SMYD1: variants seen among roughly 807,000 people sequenced by gnomAD.
The protein encoded by SMYD1 is histone-lysine N-methyltransferase SMYD1.
SMYD1 carries 49 observed loss-of-function variants against 54.0 expected under a neutral mutation model. That is an observed-to-expected ratio of 0.91 (90% confidence interval 0.72 to 1.15). The LOEUF (loss-of-function observed/expected upper bound fraction) is 1.15. Among genes scored for constraint, SMYD1 ranks in the 50% most tolerant of loss-of-function variants. The probability of loss-of-function intolerance (pLI) is 0.00; values close to 1 mark genes in which losing one functional copy is unlikely to be tolerated. For missense variants in SMYD1, 653 were observed against 639.6 expected, an observed-to-expected ratio of 1.02 and a Z score of -0.23; for synonymous variants, 269 against 234.2, an observed-to-expected ratio of 1.15 and a Z score of -1.36.
chr2:88,078,314 T>C (rs1674115208), intron 1 of SMYD1, among the ~76,000 whole-genome samples: 1 of 152,242 alleles, frequency 6.6e-6, no homozygotes, highest in Non-Finnish European at 1.5e-5. Flanking sequence ...GAACTTCTTG[T>C]AATTTTCATC....
chr2:88,071,353 TG>T (rs1673942776), intron 1 of SMYD1, among the ~76,000 whole-genome samples: 1 of 152,250 alleles, frequency 6.6e-6, no homozygotes, highest in South Asian at 2.1e-4. Flanking sequence ...ATTGTGTCTT[TG>T]TTAGAATGGG....
At chr2:88,090,180 G>A (rs1386786177) in intron 3 of SMYD1, among the ~76,000 whole-genome samples, 3 of 152,156 alleles carry the variant, frequency 2.0e-5, no homozygotes, top group Non-Finnish European at 4.4e-5. Flanking sequence ...AGAATAAATG[G>A]AGAAAGTGAC....
At chr2:88,071,936 C>T (rs1431548963) in intron 1 of SMYD1, among the ~76,000 whole-genome samples, 3 of 150,944 alleles carry the variant, frequency 2.0e-5, no homozygotes, top group Non-Finnish European at 2.9e-5. Flanking sequence ...ACTGGGAATT[C>T]GCAATGCTGG....
chr2:88,097,966 A>G (rs759272501), intron 6 of SMYD1, among the ~76,000 whole-genome samples: 1 of 152,184 alleles, frequency 6.6e-6, no homozygotes, highest in Non-Finnish European at 1.5e-5. Flanking sequence ...TATGTTTTCT[A>G]TAGGAACAAC....
Position 88,112,145 on chromosome 2 carries a change from G to C in SMYD1, c.*1633G>C, listed in dbSNP as rs959697457. On this transcript the variant is annotated 3_prime_UTR_variant, in exon 10 of 10. Coordinates refer to ENST00000419482, the MANE Select transcript of SMYD1 (RefSeq NM_198274.4). ...TAGTCTTTCAAGCCCCCACATCACA[G>C]GCTTAGGGACGGCACTAACTTTCTC... 4.3e-6 allele frequency: 3 copies of C among 703,270 alleles called. No individual in the cohort carries two copies. In the African/African-American group the frequency reaches 5.2e-5, roughly 12 times the overall value. 43.6% of individuals were successfully genotyped at this position (703,270 alleles called of 1,614,324 possible).
Position 88,101,967 on chromosome 2 carries a change from AG to A in SMYD1, c.889-1090del, listed in dbSNP as rs1674731406. ...GATTGGTCAGTGCTTTTTCTGTATC[AG>A]TCATTAAGTATTTTAAATATTATTT... On this transcript the variant is annotated intron_variant, in intron 6 of 9. Coordinates refer to ENST00000419482, the MANE Select transcript of SMYD1 (RefSeq NM_198274.4). 2.6e-5 allele frequency among the ~76,000 whole-genome samples: 4 copies of A among 152,272 alleles called. No homozygotes were observed. In the South Asian group the frequency reaches 6.2e-4, roughly 24 times the overall value.
intron 7 of SMYD1, among the ~76,000 whole-genome samples, chr2:88,103,449 TG>T (rs1674774391): frequency 6.6e-6 from 1 of 152,054 alleles, no homozygotes; most frequent in Admixed American, 6.6e-5. Flanking sequence ...GTATCGGAGA[TG>T]GGGGAATGCA....
intron 3 of SMYD1, among the ~76,000 whole-genome samples, chr2:88,089,143 A>G (rs1186086551): frequency 6.6e-6 from 1 of 152,200 alleles, no homozygotes. Flanking sequence ...GAAGTGTTGC[A>G]GTTCAAGTCC....
chr2:88,082,880 A>G (rs1471647714), intron 1 of SMYD1, among the ~76,000 whole-genome samples: 1 of 152,120 alleles, frequency 6.6e-6, no homozygotes, highest in Non-Finnish European at 1.5e-5. Context: ...TGGGGAGACA[A>G]ATTCAAGCTT....
At chr2:88,087,694 C>G (rs1674364007) in intron 2 of SMYD1, among the ~76,000 whole-genome samples, 168 bp from the exon 3 acceptor site, 1 of 152,164 alleles carries the variant, frequency 6.6e-6, no homozygotes, top group Non-Finnish European at 1.5e-5. Context: ...TGTTTACTTA[C>G]CTCTCCCCCA....
At chr2:88,068,110 C>G in intron 1 of SMYD1, 109 bp downstream of exon 1, 4 of 1,415,544 alleles carry the variant, frequency 2.8e-6, no homozygotes, top group Non-Finnish European at 3.8e-6. Flanking sequence ...TTCATGTGCT[C>G]TTTTTTCAAC....
At chr2:88,106,200 C>G in intron 7 of SMYD1, 125 bp from the exon 8 acceptor site, 1 of 1,296,856 alleles carries the variant, frequency 7.7e-7, no homozygotes, top group Non-Finnish European at 1.1e-6. Context: ...GCTTTCCCAC[C>G]TCTGTCAGCA....
chr2:88,083,453 C>T (rs1210615392), intron 1 of SMYD1, among the ~76,000 whole-genome samples: 4 of 152,086 alleles, frequency 2.6e-5, no homozygotes, highest in Non-Finnish European at 5.9e-5. Context: ...TCTTCCCACA[C>T]CTCTCTCCCT....
At chr2:88,093,474 C>A in intron 4 of SMYD1, 43 bp from the exon 5 acceptor site, 1 of 1,612,320 alleles carries the variant, frequency 6.2e-7, no homozygotes, top group Non-Finnish European at 8.5e-7. Flanking sequence ...CCTGATCAGC[C>A]AATGATAATG....
intron 1 of SMYD1, among the ~76,000 whole-genome samples, chr2:88,079,180 A>G (rs1289561354): frequency 6.6e-6 from 1 of 152,214 alleles, no homozygotes; most frequent in East Asian, 1.9e-4. Context: ...CTGTCACCCA[A>G]TCTTGGGTGA....
intron 5 of SMYD1, among the ~76,000 whole-genome samples, chr2:88,094,346 C>T (rs1039824401): frequency 1.3e-5 from 2 of 152,212 alleles, no homozygotes; most frequent in Non-Finnish European, 2.9e-5. Context: ...CAGCTCTGGG[C>T]TCTGTCCCTA....
chr2:88,097,896 G>A (rs934927740), intron 6 of SMYD1, among the ~76,000 whole-genome samples: 1 of 152,144 alleles, frequency 6.6e-6, no homozygotes, highest in Non-Finnish European at 1.5e-5. Flanking sequence ...GATGCCTGGG[G>A]TGAAGAGATT....
intron 1 of SMYD1, among the ~76,000 whole-genome samples, chr2:88,078,499 G>A (rs928628717): frequency 5.9e-5 from 9 of 152,092 alleles, no homozygotes; most frequent in Non-Finnish European, 8.8e-5. Context: ...GGAGTCAGGA[G>A]TAGAACCCAG....
At chr2:88,088,118 C>T (rs780493496) in intron 3 of SMYD1, 43 bp downstream of exon 3, 2 of 1,546,384 alleles carry the variant, frequency 1.3e-6, no homozygotes, top group East Asian at 4.6e-5. Flanking sequence ...TGTCTGTCTC[C>T]TCTTTCCTTC....
Sources: gnomAD v4.1 joint callset for allele counts (sites outside exome capture counted in the v4.1 genomes callset) on GRCh38, gnomAD v4.1.1 for gene constraint, MANE v1.5 for transcripts, NCBI Gene and HGNC (gene_info 2026-07-23, HGNC 2026-07-21) for gene names.